Variants in ALX4 observed in about 807,000 individuals in gnomAD.
ALX4 encodes the protein ALX homeobox 4, also known as homeobox protein aristaless-like 4.
In ALX4, 22 loss-of-function variants were observed where a neutral mutation model predicts 40.6. The observed-to-expected ratio is 0.54, with a 90% CI of 0.39 to 0.77. The LOEUF (loss-of-function observed/expected upper bound fraction) is 0.77. Ranked by LOEUF, ALX4 falls within the 30% of genes least tolerant of loss-of-function variation. The pLI, the probability that ALX4 is intolerant of heterozygous loss-of-function variation, is 0.00. For missense variants in ALX4, 556 were observed against 564.8 expected, an observed-to-expected ratio of 0.98 and a Z score of 0.16; for synonymous variants, 266 against 240.5, an observed-to-expected ratio of 1.11 and a Z score of -0.98.
At chr11:44,266,978 G>C (rs1056671447) in intron 3 of ALX4, among the ~76,000 whole-genome samples, 6 of 152,238 alleles carry the variant, frequency 3.9e-5, no homozygotes, top group Admixed American at 1.3e-4. Context: ...GAGCTGAGCA[G>C]ATGCTTTTAC....
At chr11:44,291,414 C>CT (rs5791616) in intron 1 of ALX4, among the ~76,000 whole-genome samples, 99,869 of 148,442 alleles carry the variant, frequency 0.67, 33,917 homozygotes, top group South Asian at 0.89. Flanking sequence ...TTCTTTCTTT[C>CT]TTTCTTTTTT....
chr11:44,274,152 A>C (rs1301075589), intron 2 of ALX4, among the ~76,000 whole-genome samples: 1 of 152,090 alleles, frequency 6.6e-6, no homozygotes, highest in Non-Finnish European at 1.5e-5. Context: ...AAAAGAAAAC[A>C]AAAAAAATTT....
At position 44,272,330 on chromosome 11, in the gene ALX4, C is replaced by T. The variant is rs180765446; in HGVS notation, c.777+3018G>A. On this transcript the variant is annotated intron_variant, in intron 2 of 3. Coordinates refer to ENST00000652299, the MANE Select transcript of ALX4 (RefSeq NM_021926.4). Reference sequence around the variant, plus strand: ...GACCAGCCAACCAACATGGTGAAACCCCATCTCTATTAAATATACAAAAAT... The same window carrying T: ...GACCAGCCAACCAACATGGTGAAACTCCATCTCTATTAAATATACAAAAAT... 2.4e-3 allele frequency among the ~76,000 whole-genome samples: 372 copies of T among 151,966 alleles called. 1 individual carries two copies. The highest frequency in any genetic ancestry group is 8.4e-3 in the African/African-American group (347 of 41,428).
chr11:44,299,786 G>C (rs1402015851), intron 1 of ALX4, among the ~76,000 whole-genome samples: 3 of 152,178 alleles, frequency 2.0e-5, no homozygotes, highest in Admixed American at 6.5e-5. Context: ...GGAGCCCTCG[G>C]CCAGCAAGAC....
intron 1 of ALX4, among the ~76,000 whole-genome samples, chr11:44,297,898 T>C (rs996996778): frequency 1.3e-5 from 2 of 152,116 alleles, no homozygotes; most frequent in Admixed American, 1.3e-4. Flanking sequence ...CTCTTTCATC[T>C]CCTTCAGCTG....
intron 1 of ALX4, among the ~76,000 whole-genome samples, chr11:44,305,272 A>G (rs1661546493): frequency 1.3e-5 from 2 of 152,218 alleles, no homozygotes; most frequent in African/African-American, 2.4e-5. Flanking sequence ...ATGCAAGTCG[A>G]TTGACTTAAA....
chr11:44,300,741 T>C (rs879743140), intron 1 of ALX4, among the ~76,000 whole-genome samples: 3 of 152,178 alleles, frequency 2.0e-5, no homozygotes, highest in Non-Finnish European at 2.9e-5. Context: ...AAGGGGGCTG[T>C]TATACATGAC....
Position 44,262,056 on chromosome 11 carries a change from G to GCAT in ALX4, c.*2795_*2797dup, listed in dbSNP as rs1425835663. 3 of 152,286 alleles carry GCAT rather than the reference G, an allele frequency of 2.0e-5. No homozygotes were observed. The highest frequency in any genetic ancestry group is 7.2e-5 in the African/African-American group (3 of 41,452). The allele number at this position is 152,286 out of a possible 1,614,324, so 9.4% of individuals were successfully genotyped here. ...GAGCTGCTGAGTGAATGCCCATGAG[G>GCAT]CATTGGAGAGGGGAGCTCCATGCAG... is the stretch of plus-strand genomic sequence containing the variant. On this transcript the variant is annotated 3_prime_UTR_variant, in exon 4 of 4. Coordinates refer to ENST00000652299, the MANE Select transcript of ALX4 (RefSeq NM_021926.4).
At chr11:44,307,099 T>G (rs1329149648) in intron 1 of ALX4, among the ~76,000 whole-genome samples, 1 of 143,548 alleles carries the variant, frequency 7.0e-6, no homozygotes, top group Non-Finnish European at 1.5e-5. Flanking sequence ...ACTTGCCCTG[T>G]CCTCAGAATT....
At position 44,285,263 on chromosome 11, in the gene ALX4, C is replaced by A. The variant is rs201693672; in HGVS notation, c.467-9605G>T. ...TACAGGCGTGAGCCACCGTGCCCAG[C>A]CTATAAACATTTTAGTAAAATCTAA... On this transcript the variant is annotated intron_variant, in intron 1 of 3. Transcript: ENST00000652299. Among the ~76,000 whole-genome samples, 6 of 152,350 alleles carry A rather than the reference C, an allele frequency of 3.9e-5. No individual in the cohort carries two copies. The East Asian group carries it at 7.7e-4, about 20-fold the overall frequency.
intron 3 of ALX4, among the ~76,000 whole-genome samples, chr11:44,265,951 T>A (rs777106509): frequency 3.9e-5 from 6 of 151,962 alleles, no homozygotes; most frequent in Non-Finnish European, 5.9e-5. Flanking sequence ...TAGGCACGTA[T>A]AAGGAGGTAG....
chr11:44,302,209 G>A (rs563021915), intron 1 of ALX4, among the ~76,000 whole-genome samples: 67 of 152,174 alleles, frequency 4.4e-4, no homozygotes, highest in Non-Finnish European at 5.6e-4. Flanking sequence ...CCTGAGGCTC[G>A]CACACTGGGG....
intron 2 of ALX4, among the ~76,000 whole-genome samples, chr11:44,271,248 A>C (rs1269121039): frequency 6.6e-6 from 1 of 152,228 alleles, no homozygotes; most frequent in Non-Finnish European, 1.5e-5. Context: ...ATACAAAGAA[A>C]AGCCTCTGAA....
intron 1 of ALX4, among the ~76,000 whole-genome samples, chr11:44,278,764 C>T (rs901283557): frequency 4.6e-5 from 7 of 152,120 alleles, no homozygotes; most frequent in South Asian, 2.1e-4. Context: ...ATAGGGAGAG[C>T]GGGGTAGTTG....
chr11:44,263,722 C>G lies in ALX4; in HGVS notation c.*1132G>C, dbSNP rs1956195556. The G allele has an allele frequency of 6.6e-6, 1 of 152,358 alleles. No homozygotes were observed. The highest frequency in any genetic ancestry group is 1.5e-5 in the Non-Finnish European group (1 of 68,138). The allele number at this position is 152,358 out of a possible 1,614,324, so 9.4% of individuals were successfully genotyped here. On this transcript the variant is annotated 3_prime_UTR_variant, in exon 4 of 4. Coordinates refer to ENST00000652299, the MANE Select transcript of ALX4 (RefSeq NM_021926.4). ...GCCATAGCAGGGCCTGGAGGCCGAG[C>G]ATGGCCACACGTCCTCTAGCAAAGC... is the stretch of plus-strand genomic sequence containing the variant.
At chr11:44,291,786 T>A (rs553597391) in intron 1 of ALX4, among the ~76,000 whole-genome samples, 2 of 152,330 alleles carry the variant, frequency 1.3e-5, no homozygotes, top group South Asian at 4.1e-4. Flanking sequence ...TCAAATCTTT[T>A]CTTTCTCAAA....
intron 1 of ALX4, among the ~76,000 whole-genome samples, chr11:44,309,378 T>C (rs979380621): frequency 4.0e-5 from 6 of 151,878 alleles, no homozygotes; most frequent in Non-Finnish European, 8.8e-5. Flanking sequence ...CCAAGTCGAG[T>C]TTAACAGCCG....
rs1956201535 is a variant in ALX4, at chr11:44,264,582, A to G, written c.*272T>C. 3.6e-6 allele frequency: 2 copies of G among 562,660 alleles called. No individual in the cohort carries two copies. Among genetic ancestry groups the G allele is most frequent in the African/African-American group, 1.9e-5 (1 of 53,314 alleles). The allele number at this position is 562,660 out of a possible 1,614,324, so 34.9% of individuals were successfully genotyped here. ...CGCTTTCAGCTTATCATGGATGCGAAGCTGAAAAACGTGGCCACCTGGCTT... is the reference window on the plus strand; with the variant it reads ...CGCTTTCAGCTTATCATGGATGCGAGGCTGAAAAACGTGGCCACCTGGCTT... On this transcript the variant is annotated 3_prime_UTR_variant, in exon 4 of 4. Coordinates refer to ENST00000652299, the MANE Select transcript of ALX4 (RefSeq NM_021926.4).
chr11:44,264,970 T>G lies in ALX4; in HGVS notation c.1120A>C (p.Ser374Arg). 6.2e-7 allele frequency: 1 copy of G among 1,613,186 alleles called. No individual in the cohort carries two copies. The highest frequency in any genetic ancestry group is 1.1e-5 in the South Asian group (1 of 91,086). Residue 374 changes from serine (S) to arginine (R), a missense_variant, in exon 4 of 4, where the codon AGC becomes CGC. Physicochemically the swap from Ser to Arg is moderately radical, Grantham distance 110 (BLOSUM62 -1). Coordinates refer to ENST00000652299, the MANE Select transcript of ALX4 (RefSeq NM_021926.4). ...AGCTCGTAGCCATTGAGGCCTGGGC[T>G]GAGGCTGGCTGCTCCAAACAGGCTG... is the stretch of plus-strand genomic sequence containing the variant. ...MGSLFGAASLSPGLNGYELNG... is the reference protein window; with the variant it reads ...MGSLFGAASLRPGLNGYELNG...
Sources: allele counts gnomAD v4.1 joint callset (sites outside exome capture counted in the v4.1 genomes callset), GRCh38; gene constraint gnomAD v4.1.1; transcripts MANE v1.5; gene names NCBI Gene and HGNC (gene_info 2026-07-23, HGNC 2026-07-21).